KCTD16: variants seen among roughly 807,000 people sequenced by gnomAD.
The protein encoded by KCTD16 is BTB/POZ domain-containing protein KCTD16.
A neutral mutation model predicts 33.2 loss-of-function variants in KCTD16; 13 were observed. The ratio of observed to expected loss-of-function variants is 0.39; its 90% CI spans 0.25 to 0.62. The LOEUF is 0.62. Ranked by LOEUF, KCTD16 falls within the 20% of genes least tolerant of loss-of-function variation. The pLI, the probability that KCTD16 is intolerant of heterozygous loss-of-function variation, is 0.50. For synonymous variants in KCTD16, 197 were observed against 195.3 expected (o/e 1.01, Z -0.07); for missense variants, 441 against 525.1 (o/e 0.84, Z 1.57).
At chr5:144,273,814 A>T (rs568769207) in intron 3 of KCTD16, among the ~76,000 whole-genome samples, 136 of 152,084 alleles carry the variant, frequency 8.9e-4, no homozygotes, top group African/African-American at 3.2e-3. Context: ...GTAAATACAA[A>T]ATAGTTTCAG....
intron 3 of KCTD16, among the ~76,000 whole-genome samples, chr5:144,441,754 T>C (rs1753713632): frequency 6.6e-6 from 1 of 151,172 alleles, no homozygotes; most frequent in Non-Finnish European, 1.5e-5. Context: ...AATCAGGATA[T>C]ATGAGTTCTC....
At chr5:144,340,358 C>T (rs995542738) in intron 3 of KCTD16, among the ~76,000 whole-genome samples, 9 of 143,358 alleles carry the variant, frequency 6.3e-5, no homozygotes, top group African/African-American at 7.9e-5. Flanking sequence ...GCCTAGAGTG[C>T]GTCACTGCAC....
chr5:144,178,096 C>T (rs1041301100), intron 2 of KCTD16, among the ~76,000 whole-genome samples: 1 of 152,160 alleles, frequency 6.6e-6, no homozygotes, highest in African/African-American at 2.4e-5. Flanking sequence ...CAATCTCATG[C>T]TTGTAGAAAG....
chr5:144,442,174 T>C (rs894614847), intron 3 of KCTD16, among the ~76,000 whole-genome samples: 1 of 152,156 alleles, frequency 6.6e-6, no homozygotes, highest in African/African-American at 2.4e-5. Context: ...TGGATCAAAG[T>C]AGCTTATTAG....
intron 2 of KCTD16, among the ~76,000 whole-genome samples, chr5:144,203,009 G>T (rs536448487): frequency 6.6e-6 from 1 of 152,242 alleles, no homozygotes; most frequent in African/African-American, 2.4e-5. Flanking sequence ...TTTCCTGAGA[G>T]GTTCTGCCTT....
intron 2 of KCTD16, among the ~76,000 whole-genome samples, chr5:144,180,955 C>T (rs549999071): frequency 1.7e-4 from 25 of 149,442 alleles, no homozygotes; most frequent in African/African-American, 4.0e-4. Flanking sequence ...TTTTTTGAGA[C>T]GGAGTCTCGC....
At chr5:144,275,087 A>G (rs1258588595) in intron 3 of KCTD16, among the ~76,000 whole-genome samples, 1 of 152,210 alleles carries the variant, frequency 6.6e-6, no homozygotes, top group Admixed American at 6.5e-5. Flanking sequence ...TTCTCTGACA[A>G]CACATTTAAA....
intron 3 of KCTD16, among the ~76,000 whole-genome samples, chr5:144,276,931 A>G (rs1755453894): frequency 1.3e-5 from 2 of 152,186 alleles, no homozygotes; most frequent in African/African-American, 4.8e-5. Flanking sequence ...CCATCCCATA[A>G]TCTATGTAAA....
intron 3 of KCTD16, among the ~76,000 whole-genome samples, chr5:144,467,098 A>G (rs1385086290): frequency 1.4e-5 from 2 of 140,880 alleles, no homozygotes; most frequent in Non-Finnish European, 3.0e-5. Flanking sequence ...TATATATTAT[A>G]TATAATATAT....
intron 3 of KCTD16, among the ~76,000 whole-genome samples, chr5:144,460,481 AC>A (rs1482042327): frequency 6.6e-6 from 1 of 151,966 alleles, no homozygotes; most frequent in East Asian, 1.9e-4. Context: ...TCACTCTGTC[AC>A]CCAAGCTGGA....
intron 3 of KCTD16, among the ~76,000 whole-genome samples, chr5:144,418,258 G>C (rs985724617): frequency 6.6e-6 from 1 of 152,282 alleles, no homozygotes; most frequent in Admixed American, 6.5e-5. Flanking sequence ...GGCTTCCACA[G>C]CGTGGAAGGA....
intron 3 of KCTD16, among the ~76,000 whole-genome samples, 176 bp downstream of exon 3, chr5:144,207,722 C>G (rs770497140): frequency 2.6e-5 from 4 of 152,156 alleles, no homozygotes; most frequent in Non-Finnish European, 5.9e-5. Context: ...CCTAAGGCAA[C>G]TTTTATCCAA....
intron 3 of KCTD16, among the ~76,000 whole-genome samples, chr5:144,365,318 C>T (rs773966707): frequency 1.2e-4 from 18 of 151,914 alleles, no homozygotes; most frequent in Non-Finnish European, 2.1e-4. Context: ...GTCCTCTAAA[C>T]GGTCTTACGT....
chr5:144,311,095 T>G (rs9324956), intron 3 of KCTD16, among the ~76,000 whole-genome samples: 50,679 of 151,994 alleles, frequency 0.33, 9,111 homozygotes, highest in African/African-American at 0.47. Flanking sequence ...TTTAGGTGTG[T>G]ACAGGCTAGA....
chr5:144,202,116 A>G (rs140997252), intron 2 of KCTD16, among the ~76,000 whole-genome samples: 4 of 152,344 alleles, frequency 2.6e-5, no homozygotes, highest in Non-Finnish European at 5.9e-5. Context: ...TATTACAAAG[A>G]ACAGGATGGA....
intron 3 of KCTD16, among the ~76,000 whole-genome samples, chr5:144,416,158 T>C (rs1753048724): frequency 6.6e-6 from 1 of 152,228 alleles, no homozygotes; most frequent in Non-Finnish European, 1.5e-5. Flanking sequence ...CTAAGAGTTA[T>C]GGATACTGAA....
chr5:144,381,613 C>T (rs974194394), intron 3 of KCTD16, among the ~76,000 whole-genome samples: 1 of 151,882 alleles, frequency 6.6e-6, no homozygotes, highest in Non-Finnish European at 1.5e-5. Context: ...GGGGGAGGTG[C>T]CACACACTTT....
chr5:144,341,460 A>G (rs965093469), intron 3 of KCTD16, among the ~76,000 whole-genome samples: 5 of 152,210 alleles, frequency 3.3e-5, no homozygotes, highest in Admixed American at 1.3e-4. Context: ...AGCCCTCTCT[A>G]TTGTGAATCT....
At chr5:144,353,056 C>T (rs1561577673) in intron 3 of KCTD16, among the ~76,000 whole-genome samples, 2 of 152,312 alleles carry the variant, frequency 1.3e-5, no homozygotes, top group Admixed American at 6.5e-5. Context: ...CTGACAAAAT[C>T]TTAATTAGAT....
Sources: gnomAD v4.1 joint callset for allele counts (sites outside exome capture counted in the v4.1 genomes callset) on GRCh38, gnomAD v4.1.1 for gene constraint, MANE v1.5 for transcripts, NCBI Gene and HGNC (gene_info 2026-07-23, HGNC 2026-07-21) for gene names.